Variants in KIAA1217 observed in about 807,000 individuals in gnomAD.
KIAA1217 encodes the protein KIAA1217.
KIAA1217 carries 88 observed loss-of-function variants against 163.9 expected under a neutral mutation model. The observed-to-expected ratio is 0.54, with a 90% CI of 0.45 to 0.64. The LOEUF (loss-of-function observed/expected upper bound fraction) is 0.64. KIAA1217 is among the 30% of genes least tolerant of loss of function. KIAA1217 has a pLI of 0.00. For synonymous variants in KIAA1217, 903 were observed against 923.1 expected (o/e 0.98, Z 0.39); for missense variants, 2,372 against 2,475.0 (o/e 0.96, Z 0.88).
chr10:24,336,184 A>G (rs1486894321), intron 2 of KIAA1217, among the ~76,000 whole-genome samples: 2 of 152,124 alleles, frequency 1.3e-5, no homozygotes, highest in Non-Finnish European at 2.9e-5. Context: ...TGGAAGTTGC[A>G]TGACCCGAGA....
At position 24,473,134 on chromosome 10, in the gene KIAA1217, C is replaced by T. The variant is rs2063705167; in HGVS notation, c.847-94C>T. On this transcript the variant is annotated intron_variant, in intron 5 of 20. Transcript: ENST00000376454. ...ACAGATTCCAGGATGAGGGTGTATA[C>T]ATCTTGCAGGGGAAGTCACACGGTT... The T allele has an allele frequency of 2.5e-5, 21 of 827,694 alleles. 2 individuals are homozygous for T. The South Asian group carries it at 3.8e-4, about 15-fold the overall frequency. 51.3% of individuals were successfully genotyped at this position (827,694 alleles called of 1,614,324 possible).
chr10:24,142,800 C>T (rs190399082), intron 2 of KIAA1217, among the ~76,000 whole-genome samples: 9 of 152,162 alleles, frequency 5.9e-5, no homozygotes, highest in African/African-American at 2.4e-5. Context: ...ACTGTTGTCC[C>T]TGTAGGTTTA....
intron 2 of KIAA1217, chr10:24,158,389 T>TA: frequency 1.6e-6 from 1 of 617,284 alleles, no homozygotes; most frequent in Non-Finnish European, 3.1e-6. Context: ...CTCTGCTTCC[T>TA]ACATATTATT....
chr10:24,536,225 G>A lies in KIAA1217; in HGVS notation c.3415-549G>A, dbSNP rs140131745. Among the ~76,000 whole-genome samples, 788 of 152,238 alleles carry A rather than the reference G, an allele frequency of 5.2e-3. 8 individuals are homozygous for A. The highest frequency in any genetic ancestry group is 0.018 in the African/African-American group (737 of 41,532). ...CTCCTAGGCCACTCGGAATGACATC[G>A]TTGCTTAAAAGCATCACTTTACTCT... On this transcript the variant is annotated intron_variant, in intron 16 of 20. Transcript: ENST00000376454.
chr10:23,892,834 C>T (rs777865216), intron 1 of KIAA1217, among the ~76,000 whole-genome samples: 33 of 151,788 alleles, frequency 2.2e-4, no homozygotes, highest in Non-Finnish European at 4.1e-4. Flanking sequence ...ATAAGTAATG[C>T]CATCATCAAC....
intron 1 of KIAA1217, among the ~76,000 whole-genome samples, chr10:23,846,028 G>A (rs190048927): frequency 2.4e-4 from 37 of 152,286 alleles, no homozygotes; most frequent in East Asian, 1.2e-3. Flanking sequence ...GTTTGTCAAA[G>A]ATCAGATGGT....
intron 1 of KIAA1217, among the ~76,000 whole-genome samples, chr10:23,728,844 C>G (rs1028692860): frequency 6.6e-6 from 1 of 152,158 alleles, no homozygotes. Context: ...CAAGCACAGC[C>G]TCTGCAGTCA....
chr10:24,432,939 G>A, intron 3 of KIAA1217, 56 bp from the exon 4 acceptor site: 9 of 1,424,324 alleles, frequency 6.3e-6, no homozygotes, highest in Non-Finnish European at 8.9e-6. Context: ...CTCAGCTTGT[G>A]CTGTGTGTCC....
chr10:24,352,320 A>G (rs1237909567), intron 2 of KIAA1217, among the ~76,000 whole-genome samples: 2 of 152,210 alleles, frequency 1.3e-5, no homozygotes, highest in African/African-American at 4.8e-5. Flanking sequence ...CTTCTTTCAA[A>G]TGTTTCACAT....
At chr10:23,837,521 T>C (rs1215781820) in intron 1 of KIAA1217, among the ~76,000 whole-genome samples, 1 of 152,154 alleles carries the variant, frequency 6.6e-6, no homozygotes, top group African/African-American at 2.4e-5. Context: ...ACATTCACCT[T>C]TCCAGCAATC....
At chr10:24,412,520 T>C (rs1416151579) in intron 3 of KIAA1217, among the ~76,000 whole-genome samples, 1 of 152,224 alleles carries the variant, frequency 6.6e-6, no homozygotes, top group Non-Finnish European at 1.5e-5. Context: ...GGTTAACCAG[T>C]GCTTGCTTCT....
rs563124660 is a variant in KIAA1217 at position 24,334,807 on chromosome 10, T to C, written c.355-46062T>C. Among the ~76,000 whole-genome samples the C allele has an allele frequency of 3.3e-5, 5 of 152,304 alleles. No homozygotes were observed. The East Asian group carries it at 7.7e-4, about 24-fold the overall frequency. ...CACAGAAGGTTGCAGGCTTAGAAGG[T>C]TGTCATTTATAGAATGATTTGTGGA... is the stretch of plus-strand genomic sequence containing the variant. On this transcript the variant is annotated intron_variant, in intron 2 of 20. Transcript: ENST00000376454.
intron 2 of KIAA1217, among the ~76,000 whole-genome samples, chr10:24,286,851 C>T (rs188004694): frequency 6.6e-6 from 1 of 152,184 alleles, no homozygotes; most frequent in Non-Finnish European, 1.5e-5. Flanking sequence ...AAAATACCCA[C>T]ACCCTCTTTC....
intron 2 of KIAA1217, among the ~76,000 whole-genome samples, chr10:24,107,951 A>G (rs1192295345): frequency 6.6e-6 from 1 of 152,168 alleles, no homozygotes; most frequent in African/African-American, 2.4e-5. Context: ...GTTTGATCAC[A>G]TTACTCTGTG....
intron 1 of KIAA1217, among the ~76,000 whole-genome samples, chr10:23,710,400 A>G (rs762327532): frequency 3.3e-5 from 5 of 152,216 alleles, no homozygotes; most frequent in Non-Finnish European, 7.3e-5. Flanking sequence ...ACACTTCTGC[A>G]TCTGATATTG....
intron 2 of KIAA1217, chr10:24,157,804 C>A: frequency 2.3e-6 from 1 of 433,094 alleles, no homozygotes; most frequent in Non-Finnish European, 4.2e-6. Flanking sequence ...TATGATATTT[C>A]TAAGAATATA....
intron 9 of KIAA1217, among the ~76,000 whole-genome samples, chr10:24,507,103 T>G (rs1311698421): frequency 6.6e-6 from 1 of 152,138 alleles, no homozygotes; most frequent in Non-Finnish European, 1.5e-5. Flanking sequence ...TGTGCCTCAG[T>G]CTTAGGACTA....
chr10:23,779,945 C>G (rs79923458), intron 1 of KIAA1217, among the ~76,000 whole-genome samples: 1 of 152,112 alleles, frequency 6.6e-6, no homozygotes, highest in Non-Finnish European at 1.5e-5. Flanking sequence ...GGTTTGTAGT[C>G]TAGGAGCAAT....
chr10:24,449,483 T>C, intron 5 of KIAA1217: 1 of 985,422 alleles, frequency 1.0e-6, no homozygotes, highest in Non-Finnish European at 1.2e-6. Flanking sequence ...TTAGTTATGC[T>C]GATTTCCGGG....
Sources: allele counts gnomAD v4.1 joint callset (sites outside exome capture counted in the v4.1 genomes callset), GRCh38; gene constraint gnomAD v4.1.1; transcripts MANE v1.5; gene names NCBI Gene and HGNC (gene_info 2026-07-23, HGNC 2026-07-21).